Variants in PEAK1 observed in about 807,000 individuals in gnomAD.
The protein encoded by PEAK1 is inactive tyrosine-protein kinase PEAK1.
In PEAK1, 54 loss-of-function variants were observed where a neutral mutation model predicts 124.7. The observed-to-expected ratio is 0.43, with a 90% CI of 0.35 to 0.54. PEAK1 has a LOEUF of 0.54. Among genes scored for constraint, PEAK1 ranks in the 20% least tolerant of loss-of-function variants. The pLI is 0.01. For synonymous variants in PEAK1, 719 were observed against 760.0 expected (o/e 0.95, Z 0.89); for missense variants, 2,046 against 2,134.5 (o/e 0.96, Z 0.82).
intron 9 of PEAK1, among the ~76,000 whole-genome samples, chr15:77,119,820 T>G (rs2051747119): frequency 6.6e-6 from 1 of 152,232 alleles, no homozygotes; most frequent in Non-Finnish European, 1.5e-5. Flanking sequence ...TAAAAAGCAT[T>G]TATGTTTGTA....
intron 2 of PEAK1, among the ~76,000 whole-genome samples, 182 bp from the exon 3 acceptor site, chr15:77,286,686 A>G (rs531870322): frequency 7.2e-5 from 11 of 152,330 alleles, no homozygotes; most frequent in African/African-American, 2.2e-4. Context: ...TACAACAGAA[A>G]CATTATAGGC....
chr15:77,418,269 G>A lies in PEAK1; in HGVS notation c.-666+1737C>T, dbSNP rs1196299504. 5.1e-6 allele frequency: 5 copies of A among 985,238 alleles called. No homozygotes were observed. In the East Asian group the frequency reaches 3.4e-4, roughly 67 times the overall value. The allele number at this position is 985,238 out of a possible 1,614,324, so 61.0% of individuals were successfully genotyped here. A position where few individuals can be genotyped will look rare whatever the true frequency, so the allele number is the denominator to read the frequency against. ...GCCACACATAAATTTTAGCCTCTAAGTTGGGACAGGAGATGGGGGGTAGTG... is the reference window on the plus strand; with the variant it reads ...GCCACACATAAATTTTAGCCTCTAAATTGGGACAGGAGATGGGGGGTAGTG... On this transcript the variant is annotated intron_variant, in intron 1 of 9. Transcript: ENST00000682557.
chr15:77,395,063 T>C (rs2070774696), intron 1 of PEAK1, among the ~76,000 whole-genome samples: 1 of 152,036 alleles, frequency 6.6e-6, no homozygotes, highest in Admixed American at 6.6e-5. Flanking sequence ...AAAATCAAGA[T>C]AAAATAGAGG....
chr15:77,346,503 T>C (rs893003424), intron 2 of PEAK1: 6 of 985,294 alleles, frequency 6.1e-6, no homozygotes, highest in East Asian at 1.1e-4. Flanking sequence ...TACCTGCTAA[T>C]TGCTTTTATG....
intron 2 of PEAK1, chr15:77,335,308 T>C (rs1037258005): frequency 7.3e-5 from 72 of 985,312 alleles, no homozygotes; most frequent in Non-Finnish European, 8.6e-5. Context: ...TTTTCTGGCA[T>C]GAGTGGCATT....
chr15:77,126,364 C>T (rs1158713362), intron 9 of PEAK1, among the ~76,000 whole-genome samples: 1 of 151,860 alleles, frequency 6.6e-6, no homozygotes, highest in East Asian at 1.9e-4. Context: ...AGTTTGTTTC[C>T]AATTTTTGGA....
chr15:77,419,127 G>C, intron 1 of PEAK1: 1 of 985,330 alleles, frequency 1.0e-6, no homozygotes, highest in Non-Finnish European at 1.2e-6. Context: ...CCATTCCACA[G>C]CTCTCAAATT....
chr15:77,106,905 G>A (rs2050759805), downstream of PEAK1: 1 of 152,222 alleles, frequency 6.6e-6, no homozygotes, highest in East Asian at 1.9e-4. Context: ...GAAAGGTCTA[G>A]GCAAAACTCC....
At chr15:77,193,108 T>G (rs1212544118) in intron 6 of PEAK1, among the ~76,000 whole-genome samples, 1 of 152,204 alleles carries the variant, frequency 6.6e-6, no homozygotes, top group Non-Finnish European at 1.5e-5. Flanking sequence ...CATTTTGAAT[T>G]ATTCAAACAA....
rs193020927 is a variant in PEAK1, at chr15:77,257,077, T to C, written c.-274-4551A>G. Among the ~76,000 whole-genome samples, 339 of 152,324 alleles carry C rather than the reference T, an allele frequency of 2.2e-3. 1 individual carries two copies. Among genetic ancestry groups the C allele is most frequent in the Non-Finnish European group, 3.9e-3 (264 of 68,032 alleles). ...GAACTCCTCATTTTTTATGGCTGCATAGTATTCCATGGTGCATACGTGTCA... is the reference window on the plus strand; with the variant it reads ...GAACTCCTCATTTTTTATGGCTGCACAGTATTCCATGGTGCATACGTGTCA... On this transcript the variant is annotated intron_variant, in intron 5 of 9. Coordinates refer to ENST00000682557, the MANE Select transcript of PEAK1 (RefSeq NM_001385026.1).
chr15:77,146,745 C>G (rs1011423029), intron 8 of PEAK1, among the ~76,000 whole-genome samples: 9 of 152,110 alleles, frequency 5.9e-5, no homozygotes, highest in African/African-American at 2.2e-4. Context: ...GCCATTGGTT[C>G]AAATCATTAG....
intron 8 of PEAK1, among the ~76,000 whole-genome samples, chr15:77,147,595 A>C (rs1409188517): frequency 6.6e-6 from 1 of 152,172 alleles, no homozygotes; most frequent in Admixed American, 6.5e-5. Context: ...GGTCTGATTC[A>C]AACAAATTTT....
intron 6 of PEAK1, among the ~76,000 whole-genome samples, chr15:77,187,697 C>T (rs1315434548): frequency 6.6e-6 from 1 of 152,202 alleles, no homozygotes; most frequent in Non-Finnish European, 1.5e-5. Flanking sequence ...CATCTCTCTC[C>T]ATAAAATCTG....
intron 2 of PEAK1, chr15:77,334,949 C>T: frequency 4.1e-6 from 4 of 985,364 alleles, no homozygotes; most frequent in Non-Finnish European, 4.8e-6. Flanking sequence ...TTTGAGAACA[C>T]AAATCTCAAC....
chr15:77,346,804 T>C (rs2066898917), intron 2 of PEAK1: 3 of 891,540 alleles, frequency 3.4e-6, no homozygotes, highest in African/African-American at 1.8e-5. Flanking sequence ...ATGCCTATTA[T>C]GGCAGACACT....
chr15:77,208,250 T>C (rs539116720), intron 6 of PEAK1, among the ~76,000 whole-genome samples: 1 of 152,370 alleles, frequency 6.6e-6, no homozygotes, highest in South Asian at 2.1e-4. Flanking sequence ...ATTGAAGATA[T>C]TCAATTCCTT....
intron 2 of PEAK1, among the ~76,000 whole-genome samples, chr15:77,307,682 T>C (rs566785664): frequency 7.2e-5 from 11 of 152,202 alleles, no homozygotes; most frequent in African/African-American, 1.9e-4. Context: ...TTATTTGTGC[T>C]TGTAAGCTGG....
At chr15:77,167,436 G>C (rs1567055336) in intron 7 of PEAK1, among the ~76,000 whole-genome samples, 1 of 152,152 alleles carries the variant, frequency 6.6e-6, no homozygotes, top group Non-Finnish European at 1.5e-5. Context: ...ATATTTATCA[G>C]TTTTCTCTAA....
intron 6 of PEAK1, among the ~76,000 whole-genome samples, chr15:77,213,271 G>C (rs576552730): frequency 6.6e-6 from 1 of 152,102 alleles, no homozygotes; most frequent in African/African-American, 2.4e-5. Context: ...TAGGGGAGTA[G>C]AAATTTATAC....
Sources: gnomAD v4.1 joint callset for allele counts (sites outside exome capture counted in the v4.1 genomes callset) on GRCh38, gnomAD v4.1.1 for gene constraint, MANE v1.5 for transcripts, NCBI Gene and HGNC (gene_info 2026-07-23, HGNC 2026-07-21) for gene names.